The following FAM13C variants were observed in gnomAD, a reference collection of about 807,000 sequenced individuals.
The protein encoded by FAM13C is family with sequence similarity 13 member C.
Under a neutral mutation model 73.2 loss-of-function variants are expected in FAM13C, and 37 were observed. The ratio of observed to expected loss-of-function variants is 0.51; its 90% CI spans 0.39 to 0.67. The LOEUF (loss-of-function observed/expected upper bound fraction) is 0.67, where lower values mean the gene tolerates loss of function less well. Among genes scored for constraint, FAM13C ranks in the 30% least tolerant of loss-of-function variants. FAM13C has a pLI of 0.00. For synonymous variants in FAM13C, 246 were observed against 260.9 expected (o/e 0.94, Z 0.55); for missense variants, 589 against 715.6 (o/e 0.82, Z 2.02).
Position 59,247,460 on chromosome 10 carries a change from A to G in FAM13C, c.*154T>C, listed in dbSNP as rs191338969. 7.6e-5 allele frequency: 66 copies of G among 870,094 alleles called. No homozygotes were observed. The East Asian group carries it at 1.3e-3, about 17-fold the overall frequency. The allele number at this position is 870,094 out of a possible 1,614,324, so 53.9% of individuals were successfully genotyped here. On this transcript the variant is annotated 3_prime_UTR_variant, in exon 14 of 14. Coordinates refer to ENST00000618804, the MANE Select transcript of FAM13C (RefSeq NM_198215.4). Reference sequence around the variant, plus strand: ...CCGTTTAAATCCCTTCTCCTTGTATATAATTAAACTTGCTATTCCTTCTTA... The same window carrying G: ...CCGTTTAAATCCCTTCTCCTTGTATGTAATTAAACTTGCTATTCCTTCTTA...
chr10:59,331,847 A>C (rs284630), intron 3 of FAM13C, among the ~76,000 whole-genome samples: 61,643 of 152,052 alleles, frequency 0.41, 12,698 homozygotes, highest in East Asian at 0.48. Flanking sequence ...GTGATGCCAA[A>C]TCTCTAAGTG....
At chr10:59,269,401 G>A (rs993340055) in intron 7 of FAM13C, among the ~76,000 whole-genome samples, 2 of 141,920 alleles carry the variant, frequency 1.4e-5, no homozygotes, top group Non-Finnish European at 3.0e-5. Flanking sequence ...GAATGTGTAG[G>A]GGGCAGGCAT....
chr10:59,265,331 G>GT (rs1397682752), intron 8 of FAM13C, among the ~76,000 whole-genome samples: 3 of 51,380 alleles, frequency 5.8e-5, no homozygotes, highest in East Asian at 5.9e-4. Context: ...GCGGGGGGGG[G>GT]GGGGAATCCT....
At chr10:59,260,567 G>A (rs1842405785) in intron 10 of FAM13C, among the ~76,000 whole-genome samples, 1 of 152,018 alleles carries the variant, frequency 6.6e-6, no homozygotes, top group Admixed American at 6.6e-5. Flanking sequence ...TTTATCTAAA[G>A]TAGAAACTAT....
At chr10:59,362,621 G>C (rs1165810439), upstream of FAM13C, 25 of 1,442,994 alleles carry the variant, frequency 1.7e-5, no homozygotes, top group Non-Finnish European at 2.0e-5. Context: ...CCCCAGCAGG[G>C]GCCCAGCGGC....
chr10:59,272,333 A>G (rs192402709), intron 6 of FAM13C, among the ~76,000 whole-genome samples: 1 of 152,188 alleles, frequency 6.6e-6, no homozygotes, highest in Admixed American at 6.5e-5. Flanking sequence ...TCTTTGTCCA[A>G]ACTCCCCATT....
intron 10 of FAM13C, among the ~76,000 whole-genome samples, chr10:59,258,383 C>T (rs531318049): frequency 1.3e-5 from 2 of 152,140 alleles, no homozygotes; most frequent in South Asian, 2.1e-4. Context: ...CTTGAGAGGC[C>T]GAGGTGGGGA....
chr10:59,363,085 A>G (rs779288846), upstream of FAM13C: 8 of 157,122 alleles, frequency 5.1e-5, no homozygotes, highest in Non-Finnish European at 1.1e-4. Flanking sequence ...AATAGGCTCT[A>G]AAGCAGGGCT....
chr10:59,309,541 C>T (rs148923145), intron 4 of FAM13C, among the ~76,000 whole-genome samples: 1 of 152,298 alleles, frequency 6.6e-6, no homozygotes, highest in East Asian at 1.9e-4. Context: ...TCCTTTCCAG[C>T]GCAGGCCTTC....
chr10:59,251,454 C>T (rs766966433), intron 13 of FAM13C, 121 bp downstream of exon 13: 1 of 830,684 alleles, frequency 1.2e-6, no homozygotes, highest in Non-Finnish European at 2.1e-6. Flanking sequence ...TGAGTCTAAG[C>T]CAGTGTGGAA....
At position 59,323,973 on chromosome 10, in the gene FAM13C, T is replaced by C; in HGVS notation, c.443+15A>G. 1 of 1,602,948 alleles carries C rather than the reference T, an allele frequency of 6.2e-7. No homozygotes were observed. Among genetic ancestry groups the C allele is most frequent in the Non-Finnish European group, 8.5e-7 (1 of 1,169,810 alleles). On this transcript the variant is annotated intron_variant, in intron 4 of 13. Coordinates refer to ENST00000618804, the MANE Select transcript of FAM13C (RefSeq NM_198215.4). ...ACCACAAGCACAGAATAGCTTCTGA[T>C]AACAAAGGGCCCACCTTGGTTGAAG...
At chr10:59,286,859 C>T (rs1363131322) in intron 5 of FAM13C, among the ~76,000 whole-genome samples, 1 of 149,968 alleles carries the variant, frequency 6.7e-6, no homozygotes, top group African/African-American at 2.5e-5. Flanking sequence ...ATGGTGAAAC[C>T]CTATTTCTAC....
chr10:59,271,354 C>G (rs143093567), intron 6 of FAM13C, among the ~76,000 whole-genome samples: 1 of 152,204 alleles, frequency 6.6e-6, no homozygotes, highest in African/African-American at 2.4e-5. Flanking sequence ...ATCTGCTTTG[C>G]GTAACATCAA....
intron 6 of FAM13C, among the ~76,000 whole-genome samples, chr10:59,283,132 C>T (rs1445059980): frequency 1.3e-5 from 2 of 152,086 alleles, no homozygotes; most frequent in Non-Finnish European, 2.9e-5. Context: ...AAATGACACC[C>T]ATTTGTGTAA....
At chr10:59,315,242 C>A (rs1849384272) in intron 4 of FAM13C, among the ~76,000 whole-genome samples, 1 of 152,042 alleles carries the variant, frequency 6.6e-6, no homozygotes, top group African/African-American at 2.4e-5. Flanking sequence ...AATTCATCTC[C>A]CCCCAAAATT....
chr10:59,266,703 A>C (rs934037752), intron 8 of FAM13C, among the ~76,000 whole-genome samples: 6 of 152,206 alleles, frequency 3.9e-5, no homozygotes, highest in Non-Finnish European at 7.3e-5. Context: ...GTGCATGTGC[A>C]TGTGAGCTCT....
In FAM13C at chr10:59,352,359, C is replaced by T. The variant is rs1304753095; in HGVS notation, c.235G>A (p.Val79Ile). 2.5e-6 allele frequency: 4 copies of T among 1,614,080 alleles called. No homozygotes were observed. The highest frequency in any genetic ancestry group is 2.2e-5 in the East Asian group (1 of 44,896). ...NVEATVLVDS[V>I]LRPSMGNFKS... ...AAGTTGCCCATGCTGGGTCGCAATA[C>T]GCTGTCCACCAGCACGGTCGCCTCT... Residue 79 changes from valine (V) to isoleucine (I), a missense_variant, in exon 3 of 14, where the codon GTA becomes ATA. By Grantham distance (29) the Val-to-Ile change is conservative. Coordinates refer to ENST00000618804, the MANE Select transcript of FAM13C (RefSeq NM_198215.4).
At chr10:59,254,495 G>A (rs750693866) in intron 10 of FAM13C, 52 bp from the exon 11 acceptor site, 14 of 1,104,940 alleles carry the variant, frequency 1.3e-5, no homozygotes, top group Middle Eastern at 2.3e-4. Flanking sequence ...GAATGAAAAC[G>A]TCAACATTTT....
intron 3 of FAM13C, among the ~76,000 whole-genome samples, chr10:59,348,340 A>G (rs1055557828): frequency 6.6e-6 from 1 of 152,174 alleles, no homozygotes; most frequent in African/African-American, 2.4e-5. Context: ...TACAAACAGA[A>G]CCACTCTCTC....
Sources: allele counts gnomAD v4.1 joint callset (sites outside exome capture counted in the v4.1 genomes callset), GRCh38; gene constraint gnomAD v4.1.1; transcripts MANE v1.5; gene names NCBI Gene and HGNC (gene_info 2026-07-23, HGNC 2026-07-21).